Variants in IHO1 observed in about 807,000 individuals in gnomAD.
IHO1 encodes the protein interactor of HORMAD1 1.
A neutral mutation model predicts 31.0 loss-of-function variants in IHO1; 13 were observed. The observed-to-expected ratio is 0.42, with a 90% CI of 0.27 to 0.67. IHO1 has a LOEUF of 0.67. Ranked by LOEUF, IHO1 falls within the 30% of genes least tolerant of loss-of-function variation. The pLI is 0.24. For synonymous variants in IHO1, 221 were observed against 248.4 expected, an observed-to-expected ratio of 0.89 and a Z score of 1.04; for missense variants, 599 against 687.5, an observed-to-expected ratio of 0.87 and a Z score of 1.44.
chr3:49,236,037 T>TC (rs2046555739), intron 2 of IHO1, among the ~76,000 whole-genome samples: 1 of 150,934 alleles, frequency 6.6e-6, no homozygotes, highest in African/African-American at 2.4e-5. Context: ...GGTCAGGAGT[T>TC]CAAGACCAGC....
At chr3:49,212,147 G>C (rs1006802356) in intron 2 of IHO1, among the ~76,000 whole-genome samples, 7 of 140,654 alleles carry the variant, frequency 5.0e-5, no homozygotes, top group African/African-American at 1.3e-4. Flanking sequence ...CTGGGCGACA[G>C]AGCGAGACTC....
intron 6 of IHO1, among the ~76,000 whole-genome samples, chr3:49,251,161 C>T (rs1299072183): frequency 4.6e-5 from 7 of 151,730 alleles, no homozygotes; most frequent in African/African-American, 1.7e-4. Flanking sequence ...CTCTCTGTCA[C>T]ACAGGCTGGA....
chr3:49,212,200 T>C (rs188028077), intron 2 of IHO1, among the ~76,000 whole-genome samples: 1 of 145,588 alleles, frequency 6.9e-6, no homozygotes, highest in African/African-American at 2.5e-5. Context: ...TCCAGTTTCA[T>C]TGATTTCATA....
At chr3:49,253,828 CTTTT>C (rs139087366) in intron 6 of IHO1, among the ~76,000 whole-genome samples, 1 of 72,236 alleles carries the variant, frequency 1.4e-5, no homozygotes. Flanking sequence ...CTTTATTTGT[CTTTT>C]TTTTTTTTTT....
At chr3:49,250,707 T>C (rs1474575811) in intron 6 of IHO1, among the ~76,000 whole-genome samples, 1 of 152,132 alleles carries the variant, frequency 6.6e-6, no homozygotes, top group Non-Finnish European at 1.5e-5. Flanking sequence ...CTTGTACCTG[T>C]GGTGAGAAAT....
At chr3:49,231,407 G>A (rs2046480580) in intron 2 of IHO1, among the ~76,000 whole-genome samples, 1 of 152,300 alleles carries the variant, frequency 6.6e-6, no homozygotes, top group East Asian at 1.9e-4. Flanking sequence ...TGTTTTTACA[G>A]ATGGGTCTAC....
intron 2 of IHO1, among the ~76,000 whole-genome samples, chr3:49,233,919 T>C (rs190166966): frequency 2.1e-4 from 32 of 152,324 alleles, no homozygotes; most frequent in Non-Finnish European, 1.9e-4. Flanking sequence ...CTTAAGGACA[T>C]GTTCCTGCTG....
intron 2 of IHO1, among the ~76,000 whole-genome samples, chr3:49,220,313 C>G (rs778846554): frequency 2.0e-5 from 3 of 152,196 alleles, no homozygotes; most frequent in Non-Finnish European, 4.4e-5. Flanking sequence ...AATGCCTGTC[C>G]CCCACCACAG....
At chr3:49,204,047 G>C (rs1378570771) in intron 1 of IHO1, among the ~76,000 whole-genome samples, 8 of 152,142 alleles carry the variant, frequency 5.3e-5, no homozygotes, top group Admixed American at 6.6e-5. Flanking sequence ...AGGCTAGAAA[G>C]TTCAATATCA....
chr3:49,249,730 G>C (rs1173435275), intron 6 of IHO1, among the ~76,000 whole-genome samples: 1 of 152,194 alleles, frequency 6.6e-6, no homozygotes, highest in African/African-American at 2.4e-5. Flanking sequence ...CGTGCTCCAG[G>C]ATACATCTTG....
chr3:49,215,262 C>G (rs2046275241), intron 2 of IHO1, among the ~76,000 whole-genome samples: 1 of 151,666 alleles, frequency 6.6e-6, no homozygotes, highest in Admixed American at 6.6e-5. Context: ...GTTGGCCAGG[C>G]TGGTCTTGGG....
chr3:49,249,024 G>A (rs2046729583), intron 6 of IHO1, among the ~76,000 whole-genome samples: 1 of 152,172 alleles, frequency 6.6e-6, no homozygotes, highest in Non-Finnish European at 1.5e-5. Flanking sequence ...AAGATACTGT[G>A]TGAAAGTGCT....
At chr3:49,196,458 A>G (rs1238135859), upstream of IHO1, among the ~76,000 whole-genome samples, 1 of 146,252 alleles carries the variant, frequency 6.8e-6, no homozygotes, top group Admixed American at 6.8e-5. Context: ...AGCTGAGACT[A>G]TAGGCGCCCA....
At chr3:49,200,517 A>AAGGAAGGAAGGAAGGAAGG (rs1553615521) in intron 1 of IHO1, 1 of 944,316 alleles carries the variant, frequency 1.1e-6, no homozygotes, top group African/African-American at 2.0e-5. Context: ...GAAAGAAAGA[A>AAGGAAGGAAGGAAGGAAGG]AAGAAAAAAG....
chr3:49,197,323 T>C (rs758355485), upstream of IHO1, among the ~76,000 whole-genome samples: 7 of 151,068 alleles, frequency 4.6e-5, no homozygotes, highest in Non-Finnish European at 8.8e-5. Flanking sequence ...TTTTAGACAG[T>C]CTCGCTCTGT....
At chr3:49,212,142 C>T (rs1272368121) in intron 2 of IHO1, among the ~76,000 whole-genome samples, 20 of 133,412 alleles carry the variant, frequency 1.5e-4, no homozygotes, top group South Asian at 1.1e-3. Context: ...CCAGCCTGGG[C>T]GACAGAGCGA....
At chr3:49,203,873 A>G (rs1171240118) in intron 1 of IHO1, among the ~76,000 whole-genome samples, 1 of 152,166 alleles carries the variant, frequency 6.6e-6, no homozygotes, top group Non-Finnish European at 1.5e-5. Context: ...GAGCACCTGG[A>G]AGATGGAAGT....
At chr3:49,207,151 C>T (rs1172522742) in intron 1 of IHO1, among the ~76,000 whole-genome samples, 2 of 150,812 alleles carry the variant, frequency 1.3e-5, no homozygotes, top group Non-Finnish European at 2.9e-5. Context: ...TAGTTTGTTA[C>T]TTGATGACCG....
chr3:49,255,349 C>T (rs1575590247), intron 6 of IHO1, 41 bp from the exon 7 acceptor site: 4 of 1,394,654 alleles, frequency 2.9e-6, no homozygotes, highest in African/African-American at 1.5e-5. Context: ...ACATACCATA[C>T]ATAGTCTTCA....
Sources: allele counts gnomAD v4.1 joint callset (sites outside exome capture counted in the v4.1 genomes callset), GRCh38; gene constraint gnomAD v4.1.1; transcripts MANE v1.5; gene names NCBI Gene and HGNC (gene_info 2026-07-23, HGNC 2026-07-21).